The following TBC1D17 variants were observed in gnomAD, a reference collection of about 807,000 sequenced individuals.
TBC1D17 encodes TBC1 domain family, member 17.
A neutral mutation model predicts 78.8 loss-of-function variants in TBC1D17; 69 were observed. That is an observed-to-expected ratio of 0.88 (90% CI 0.72 to 1.07). TBC1D17 has a LOEUF of 1.07. TBC1D17 is among the 50% of genes least tolerant of loss of function. The pLI is 0.00. For missense variants in TBC1D17, 957 were observed against 861.0 expected, an observed-to-expected ratio of 1.11 and a Z score of -1.39; for synonymous variants, 456 against 358.3, an observed-to-expected ratio of 1.27 and a Z score of -3.08.
rs764486896 is a variant in TBC1D17 at position 49,878,204 on chromosome 19, ACT to A, written c.89_90del (p.Leu30HisfsTer13). ...AGCGCTAAGAAGTATCAGGACCGAGACTCTCTCATCGCTGGTGTCATCCGTGT... is the reference window on the plus strand; with the variant it reads ...AGCGCTAAGAAGTATCAGGACCGAGACTCTCATCGCTGGTGTCATCCGTGT... On this transcript the variant is annotated frameshift_variant, in exon 2 of 17. Coordinates refer to ENST00000221543, the MANE Select transcript of TBC1D17 (RefSeq NM_024682.3). LOFTEE classifies it high-confidence loss of function. 30 of 1,567,712 alleles carry A rather than the reference ACT, an allele frequency of 1.9e-5. No individual in the cohort carries two copies. The highest frequency in any genetic ancestry group is 2.2e-5 in the Non-Finnish European group (26 of 1,156,580).
chr19:49,878,521 G>A lies in TBC1D17; in HGVS notation c.144G>A (p.Trp48Ter). 1.2e-6 allele frequency: 2 copies of A among 1,614,140 alleles called. No homozygotes were observed. The highest frequency in any genetic ancestry group is 1.7e-6 in the Non-Finnish European group (2 of 1,179,996). Residue 48 changes from tryptophan (W) to a stop codon, truncating the protein, a stop_gained, in exon 3 of 17, where the codon TGG (tryptophan) becomes TGA (stop). Coordinates refer to ENST00000221543, the MANE Select transcript of TBC1D17 (RefSeq NM_024682.3). LOFTEE classifies it high-confidence loss of function. ...AGGACAATGACGTCCTCCTGCACTG[G>A]GCTCCTGTAGAGGAGGCTGGAGATT... Reference protein sequence around the residue: ...VEKDNDVLLHWAPVEEAGDST... With the variant: ...VEKDNDVLLH
chr19:49,881,228 C>T (rs201563319), intron 4 of TBC1D17, 40 bp from the exon 5 acceptor site: 51 of 1,572,018 alleles, frequency 3.2e-5, no homozygotes, highest in Non-Finnish European at 4.3e-5. Context: ...CTGACTCTGG[C>T]TTCCCACGCG....
In TBC1D17 at chr19:49,887,540, A is replaced by G; in HGVS notation, c.1509A>G (p.Glu503=). Reference sequence around the variant, plus strand: ...GGCTGCTCATCTGGTTCAAGAGGGAATTCCCCTTCCCGGATGTCCTTCGGC... The same window carrying G: ...GGCTGCTCATCTGGTTCAAGAGGGAGTTCCCCTTCCCGGATGTCCTTCGGC... ...FRWLLIWFKR[E]FPFPDVLRLW... is the part of the protein sequence containing the mutation. Residue 503 remains glutamate, a synonymous_variant, in exon 14 of 17, where the codon GAA becomes GAG. Coordinates refer to ENST00000221543, the MANE Select transcript of TBC1D17 (RefSeq NM_024682.3). The G allele has an allele frequency of 6.2e-7, 1 of 1,614,160 alleles. No individual in the cohort carries two copies. The highest frequency in any genetic ancestry group is 1.7e-5 in the Admixed American group (1 of 60,026).
chr19:49,883,759 G>A lies in TBC1D17; in HGVS notation c.1126+14G>A. 6.2e-7 allele frequency: 1 copy of A among 1,610,262 alleles called. No individual in the cohort carries two copies. Among genetic ancestry groups the A allele is most frequent in the Non-Finnish European group, 8.5e-7 (1 of 1,176,974 alleles). ...GCAGCCTCATCGGTCAGTGTCAGGG[G>A]TGGCACTTAGGGTGGATGGGAGCAG... On this transcript the variant is annotated intron_variant, in intron 10 of 16. Coordinates refer to ENST00000221543, the MANE Select transcript of TBC1D17 (RefSeq NM_024682.3).
intron 2 of TBC1D17, 67 bp from the exon 3 acceptor site, chr19:49,878,431 T>A: frequency 3.3e-6 from 5 of 1,496,534 alleles, no homozygotes; most frequent in Non-Finnish European, 4.6e-6. Flanking sequence ...TTTGGAAATT[T>A]GCAACGGAAA....
At chr19:49,887,283 A>C in intron 13 of TBC1D17, 193 bp from the exon 14 acceptor site, 4 of 597,718 alleles carry the variant, frequency 6.7e-6, no homozygotes, top group Non-Finnish European at 1.2e-5. Context: ...ATAATAGCAC[A>C]CTTCCTCTGG....
rs775805140 is a variant in TBC1D17 at position 49,888,468 on chromosome 19, C to T, written c.1791C>T (p.Pro597=). Residue 597 remains proline (P), a synonymous_variant, in exon 17 of 17, where the codon CCC becomes CCT. Coordinates refer to ENST00000221543, the MANE Select transcript of TBC1D17 (RefSeq NM_024682.3). The part of the protein sequence containing the change: ...NVQEILGLAP[P]AEPHSPSPTA... ...AGGAGATCCTGGGGCTGGCCCCGCCCGCAGAGCCCCACAGCCCCTCGCCCA... is the reference window on the plus strand; with the variant it reads ...AGGAGATCCTGGGGCTGGCCCCGCCTGCAGAGCCCCACAGCCCCTCGCCCA... 6.9e-6 allele frequency: 11 copies of T among 1,597,050 alleles called. No individual in the cohort carries two copies. The highest frequency in any genetic ancestry group is 2.2e-5 in the East Asian group (1 of 44,506).
chr19:49,882,353 C>G lies in TBC1D17; in HGVS notation c.751C>G (p.Pro251Ala). 1 of 1,610,108 alleles carries G rather than the reference C, an allele frequency of 6.2e-7. No homozygotes were observed. The highest frequency in any genetic ancestry group is 1.3e-5 in the African/African-American group (1 of 75,052). ...TGAGGGAGCCGCCTCCGACCTTCCC[C>G]CGCCACCCGACGATGAGCCCGAGCC... Reference protein sequence around the residue: ...QPEGAASDLPPPPDDEPEPGF... With the variant: ...QPEGAASDLPAPPDDEPEPGF... The change falls in exon 7 of 17, where the codon CCG (proline) becomes GCG (alanine). Residue 251 changes from proline to alanine, a missense_variant. Pro to Ala is a conservative substitution (Grantham distance 27, BLOSUM62 -1). Transcript: ENST00000221543.
At position 49,882,108 on chromosome 19, in the gene TBC1D17, C is replaced by T; in HGVS notation, c.595C>T (p.His199Tyr). The change falls in exon 6 of 17, where the codon CAC (histidine) becomes TAC (tyrosine). Residue 199 changes from histidine (H) to tyrosine (Y), a missense_variant. Transcript: ENST00000221543. ...HDSSALSNSF[H>Y]HLQLFDQDSS... ...CTCCTCTGCTCTCTCCAACTCCTTCCACCACCTGCAGCTCTTTGACCAGGA... is the reference window on the plus strand; with the variant it reads ...CTCCTCTGCTCTCTCCAACTCCTTCTACCACCTGCAGCTCTTTGACCAGGA... The T allele has an allele frequency of 6.2e-7, 1 of 1,614,168 alleles. No individual in the cohort carries two copies.
Position 49,880,314 on chromosome 19 carries a change from G to A in TBC1D17, c.231G>A (p.Glu77=). 6.2e-7 allele frequency: 1 copy of A among 1,614,088 alleles called. No individual in the cohort carries two copies. Among genetic ancestry groups the A allele is most frequent in the South Asian group, 1.1e-5 (1 of 91,082 alleles). The change falls in exon 4 of 17, where the codon GAG becomes GAA. Residue 77 remains glutamate (E), a synonymous_variant. Transcript: ENST00000221543. The part of the protein sequence containing the change: ...SSGGDSCASE[E]EPTFDPGYEP... Reference sequence around the variant, plus strand: ...GGGGTGACTCATGTGCTTCTGAGGAGGAACCAACCTTTGACCCCGGCTATG... The same window carrying A: ...GGGGTGACTCATGTGCTTCTGAGGAAGAACCAACCTTTGACCCCGGCTATG...
At chr19:49,884,796 C>T (rs774683372) in intron 13 of TBC1D17, 38 bp downstream of exon 13, 44 of 1,575,442 alleles carry the variant, frequency 2.8e-5, no homozygotes, top group Non-Finnish European at 3.4e-5. Flanking sequence ...GACAATGGGG[C>T]CATAGACCTT....
chr19:49,882,564 G>C (rs575696919), intron 7 of TBC1D17, among the ~76,000 whole-genome samples, 164 bp downstream of exon 7: 7 of 152,332 alleles, frequency 4.6e-5, no homozygotes, highest in African/African-American at 1.7e-4. Flanking sequence ...CAGACACTGT[G>C]AGCACCTGCT....
chr19:49,887,992 C>G, intron 15 of TBC1D17, 158 bp downstream of exon 15: 1 of 897,082 alleles, frequency 1.1e-6, no homozygotes, highest in Non-Finnish European at 1.7e-6. Context: ...CCCTTCTGCC[C>G]CATGCCATGC....
chr19:49,882,417 C>A lies in TBC1D17; in HGVS notation c.798+17C>A. ...ATTTCCTGTGTGAGTAGTGAGTGGA[C>A]CCTCCCTGTTATTTCTGGCCGTGTC... On this transcript the variant is annotated intron_variant, in intron 7 of 16. Transcript: ENST00000221543. The A allele has an allele frequency of 1.3e-6, 2 of 1,592,066 alleles. No homozygotes were observed. The highest frequency in any genetic ancestry group is 1.7e-6 in the Non-Finnish European group (2 of 1,171,300).
At chr19:49,886,172 C>T (rs905523462) in intron 13 of TBC1D17, among the ~76,000 whole-genome samples, 1 of 151,850 alleles carries the variant, frequency 6.6e-6, no homozygotes, top group African/African-American at 2.4e-5. Context: ...CCCAGCTACT[C>T]AGGAGGCTGA....
rs775935860 is a variant in TBC1D17 at position 49,883,733 on chromosome 19, C to G, written c.1114C>G (p.Arg372Gly). ...GAGAAACTCACTTCTGCATGGATAC[C>G]GCAGCCTCATCGGTCAGTGTCAGGG... ...ERRNSLLHGYRSLIERDVSRT... is the reference protein window; with the variant it reads ...ERRNSLLHGYGSLIERDVSRT... Residue 372 changes from arginine to glycine, a missense_variant, in exon 10 of 17, where the codon CGC becomes GGC. Arg to Gly is a moderately radical substitution (Grantham distance 125). Transcript: ENST00000221543. The G allele has an allele frequency of 9.3e-6, 15 of 1,613,616 alleles. No homozygotes were observed. Among genetic ancestry groups the G allele is most frequent in the Admixed American group, 1.7e-5 (1 of 59,998 alleles).
chr19:49,878,306 G>GC, intron 2 of TBC1D17, 65 bp downstream of exon 2: 1 of 1,470,370 alleles, frequency 6.8e-7, no homozygotes, highest in Non-Finnish European at 9.3e-7. Flanking sequence ...TGGGATGCAG[G>GC]CGGCAGCTGT....
chr19:49,887,314 C>T, intron 13 of TBC1D17, 162 bp from the exon 14 acceptor site: 2 of 652,420 alleles, frequency 3.1e-6, no homozygotes, highest in Admixed American at 2.4e-5. Context: ...GAAGGAGGGG[C>T]AGGGCCCGCG....
chr19:49,885,064 C>T, intron 13 of TBC1D17: 2 of 375,384 alleles, frequency 5.3e-6, no homozygotes, highest in South Asian at 5.9e-5. Context: ...CACTTCTTAT[C>T]CCCACCTGGC....
Sources: allele counts gnomAD v4.1 joint callset (sites outside exome capture counted in the v4.1 genomes callset), GRCh38; gene constraint gnomAD v4.1.1; transcripts MANE v1.5; gene names NCBI Gene and HGNC (gene_info 2026-07-23, HGNC 2026-07-21).